Variants in PDLIM1 observed in about 807,000 individuals in gnomAD.
PDLIM1 encodes the protein PDZ and LIM domain protein 1.
PDLIM1 carries 25 observed loss-of-function variants against 35.2 expected under a neutral mutation model. That is an observed-to-expected ratio of 0.71 (90% CI 0.52 to 0.99). PDLIM1 has a LOEUF of 0.99. Among genes scored for constraint, PDLIM1 ranks in the 50% least tolerant of loss-of-function variants. The probability of loss-of-function intolerance (pLI) is 0.00; values close to 1 mark genes in which losing one functional copy is unlikely to be tolerated. For missense variants in PDLIM1, 363 were observed against 415.3 expected (o/e 0.87, Z 1.09); for synonymous variants, 152 against 154.0 (o/e 0.99, Z 0.10).
intron 1 of PDLIM1, among the ~76,000 whole-genome samples, chr10:95,283,218 C>T (rs2035574974): frequency 6.6e-6 from 1 of 152,118 alleles, no homozygotes; most frequent in Non-Finnish European, 1.5e-5. Flanking sequence ...TAGTAGCTAC[C>T]ATTAATATTT....
At chr10:95,278,223 G>A (rs1439209120) in intron 1 of PDLIM1, among the ~76,000 whole-genome samples, 2 of 152,182 alleles carry the variant, frequency 1.3e-5, no homozygotes, top group African/African-American at 4.8e-5. Context: ...AGTGTCCTTG[G>A]GCAGGGTATT....
intron 1 of PDLIM1, among the ~76,000 whole-genome samples, chr10:95,288,054 C>T (rs955802860): frequency 6.6e-6 from 1 of 152,086 alleles, no homozygotes; most frequent in Non-Finnish European, 1.5e-5. Context: ...GATAGCGTTA[C>T]ATTTAGGGAA....
At chr10:95,284,200 T>C (rs1010600195) in intron 1 of PDLIM1, among the ~76,000 whole-genome samples, 1 of 152,208 alleles carries the variant, frequency 6.6e-6, no homozygotes, top group Non-Finnish European at 1.5e-5. Flanking sequence ...TTAGCACTCA[T>C]GTGGACCCAG....
Position 95,237,705 on chromosome 10 carries a change from C to T in PDLIM1, c.*220G>A, listed in dbSNP as rs533818461. ...GGGCGAAGGGACACAGTGTTGCTGA[C>T]AAGGTGACACTGAACAAAACAGTTT... On this transcript the variant is annotated 3_prime_UTR_variant, in exon 7 of 7. Coordinates refer to ENST00000329399, the MANE Select transcript of PDLIM1 (RefSeq NM_020992.4). 3.3e-5 allele frequency: 18 copies of T among 537,480 alleles called. No homozygotes were observed. Among genetic ancestry groups the T allele is most frequent in the African/African-American group, 3.2e-4 (17 of 53,028 alleles). 33.3% of individuals were successfully genotyped at this position (537,480 alleles called of 1,614,324 possible). A position where few individuals can be genotyped will look rare whatever the true frequency, so the allele number is the denominator to read the frequency against.
intron 5 of PDLIM1, among the ~76,000 whole-genome samples, chr10:95,240,111 A>G (rs1343910969): frequency 6.6e-6 from 1 of 152,178 alleles, no homozygotes; most frequent in Non-Finnish European, 1.5e-5. Flanking sequence ...CACAAATACC[A>G]TTCAGCCCAG....
In PDLIM1 at chr10:95,252,230, T is replaced by C. The variant is rs562720838; in HGVS notation, c.534-4864A>G. ...AGGAGAGAATCAGGACTCTCACCACTGCTCAGCAGTGTCTAGGCCACCACT... is the reference window on the plus strand; with the variant it reads ...AGGAGAGAATCAGGACTCTCACCACCGCTCAGCAGTGTCTAGGCCACCACT... On this transcript the variant is annotated intron_variant, in intron 4 of 6. Coordinates refer to ENST00000329399, the MANE Select transcript of PDLIM1 (RefSeq NM_020992.4). Among the ~76,000 whole-genome samples, 57 of 152,234 alleles carry C rather than the reference T, an allele frequency of 3.7e-4. 1 individual carries two copies. The highest frequency in any genetic ancestry group is 1.3e-3 in the African/African-American group (53 of 41,526).
intron 4 of PDLIM1, among the ~76,000 whole-genome samples, chr10:95,258,735 C>A (rs1661880091): frequency 6.6e-6 from 1 of 151,930 alleles, no homozygotes; most frequent in South Asian, 2.1e-4. Context: ...TAAAAAAGTT[C>A]TAGAGATGTG....
At chr10:95,250,548 T>A (rs1222741718) in intron 4 of PDLIM1, among the ~76,000 whole-genome samples, 1 of 151,976 alleles carries the variant, frequency 6.6e-6, no homozygotes, top group Non-Finnish European at 1.5e-5. Flanking sequence ...TACCACAATA[T>A]CTTAAAAAAT....
chr10:95,281,263 T>C (rs889588292), intron 1 of PDLIM1, among the ~76,000 whole-genome samples: 2 of 151,078 alleles, frequency 1.3e-5, no homozygotes, highest in African/African-American at 4.9e-5. Context: ...TTCCTCTATC[T>C]CTTACCAAAA....
chr10:95,274,818 C>T (rs971332665), intron 1 of PDLIM1, among the ~76,000 whole-genome samples: 2 of 152,174 alleles, frequency 1.3e-5, no homozygotes, highest in African/African-American at 4.8e-5. Flanking sequence ...TTTCATCTTG[C>T]CTTTAACCTC....
chr10:95,289,976 G>C (rs2035637593), intron 1 of PDLIM1, among the ~76,000 whole-genome samples: 1 of 152,180 alleles, frequency 6.6e-6, no homozygotes. Context: ...ACTGAGTCTG[G>C]GTCTCCCTGG....
intron 4 of PDLIM1, among the ~76,000 whole-genome samples, chr10:95,258,060 G>A (rs916659900): frequency 1.3e-5 from 2 of 152,316 alleles, no homozygotes; most frequent in South Asian, 4.1e-4. Flanking sequence ...ATCTTACATG[G>A]ATGGAGCAGG....
rs1312814682 is a variant in PDLIM1 at position 95,290,171 on chromosome 10, C to T, written c.96+649G>A. Among the ~76,000 whole-genome samples the T allele has an allele frequency of 6.6e-6, 1 of 152,120 alleles. No individual in the cohort carries two copies. The highest frequency in any genetic ancestry group is 6.5e-5 in the Admixed American group (1 of 15,282). On this transcript the variant is annotated intron_variant, in intron 1 of 6. Transcript: ENST00000329399. This position sits in a 1 kb window ranked among gnomAD's most constrained non-coding sequence, Gnocchi z 4.7. ...GGTGCGGGGAGGGGAAAGAGATAAT[C>T]TGGGAATGCTAGGAAGAATGACGGC...
rs548392651 is a variant in PDLIM1 at position 95,279,146 on chromosome 10, G to T, written c.97-7362C>A. 2.0e-5 allele frequency among the ~76,000 whole-genome samples: 3 copies of T among 152,162 alleles called. 1 individual carries two copies. In the South Asian group the frequency reaches 6.2e-4, roughly 32 times the overall value. ...AAAAATCAGAAAATCTGGCAATTCT[G>T]GGCCTAGATTCCCATATGGCAACAA... On this transcript the variant is annotated intron_variant, in intron 1 of 6. Transcript: ENST00000329399.
intron 1 of PDLIM1, among the ~76,000 whole-genome samples, chr10:95,286,133 G>C (rs555233741): frequency 6.6e-6 from 1 of 152,288 alleles, no homozygotes; most frequent in South Asian, 2.1e-4. Flanking sequence ...AAGGTGGGCA[G>C]GTCACTTGAG....
intron 4 of PDLIM1, among the ~76,000 whole-genome samples, chr10:95,250,734 C>T (rs1360899726): frequency 6.6e-6 from 1 of 152,208 alleles, no homozygotes; most frequent in Non-Finnish European, 1.5e-5. Context: ...TCTTCTGAAC[C>T]CACTCTATAC....
intron 3 of PDLIM1, among the ~76,000 whole-genome samples, chr10:95,266,817 G>A (rs933422159): frequency 2.6e-5 from 4 of 152,282 alleles, no homozygotes; most frequent in Middle Eastern, 3.4e-3. Flanking sequence ...ATACTGACTG[G>A]TCTTTCCAGA....
intron 4 of PDLIM1, among the ~76,000 whole-genome samples, chr10:95,261,994 G>C (rs975879172): frequency 3.4e-5 from 5 of 146,632 alleles, no homozygotes; most frequent in African/African-American, 1.3e-4. Context: ...GGCAACAAGA[G>C]TGAAACTCCG....
intron 2 of PDLIM1, among the ~76,000 whole-genome samples, chr10:95,270,026 C>T: frequency 6.6e-6 from 1 of 152,128 alleles, no homozygotes; most frequent in South Asian, 2.1e-4. Flanking sequence ...CTAGAGCCAC[C>T]ATACCTGGCC....
Sources: allele counts gnomAD v4.1 joint callset (sites outside exome capture counted in the v4.1 genomes callset), GRCh38; gene constraint gnomAD v4.1.1; non-coding constraint Gnocchi (gnomAD v3.1); transcripts MANE v1.5; gene names NCBI Gene and HGNC (gene_info 2026-07-23, HGNC 2026-07-21).